The following THADA variants were observed in gnomAD, a reference collection of about 807,000 sequenced individuals.
THADA encodes THADA armadillo repeat containing.
THADA carries 213 observed loss-of-function variants against 219.8 expected under a neutral mutation model. The observed-to-expected ratio is 0.97, with a 90% CI of 0.87 to 1.09. THADA has a LOEUF of 1.09. Among genes scored for constraint, THADA ranks in the 50% least tolerant of loss-of-function variants. The pLI is 0.00. For missense variants in THADA, 2,956 were observed against 2,311.3 expected, an observed-to-expected ratio of 1.28 and a Z score of -5.72; for synonymous variants, 1,018 against 828.9, an observed-to-expected ratio of 1.23 and a Z score of -3.92.
At chr2:43,502,796 A>C (rs1014634702) in intron 24 of THADA, among the ~76,000 whole-genome samples, 1 of 151,972 alleles carries the variant, frequency 6.6e-6, no homozygotes, top group Admixed American at 6.5e-5. Flanking sequence ...GGGAGAATAT[A>C]TATGTAATTC....
chr2:43,293,407 T>A lies in THADA; in HGVS notation c.4439-194A>T, dbSNP rs146284743. Among the ~76,000 whole-genome samples the A allele has an allele frequency of 4.9e-4, 75 of 152,244 alleles. 1 individual carries two copies. The East Asian group carries it at 0.013, about 26-fold the overall frequency. On this transcript the variant is annotated intron_variant, in intron 31 of 37. Coordinates refer to ENST00000405975, the MANE Select transcript of THADA (RefSeq NM_022065.5). ...TCCACAACAATTTCCATTTAGGTAA[T>A]GTATAATTTTTCCAACAGGGGCACA... is the stretch of plus-strand genomic sequence containing the variant.
chr2:43,393,698 A>G (rs936025203), intron 29 of THADA, among the ~76,000 whole-genome samples: 1 of 145,692 alleles, frequency 6.9e-6, no homozygotes. Context: ...ACAGAGCGAG[A>G]CTCCGTCTTA....
At chr2:43,551,655 C>A (rs1277826332) in intron 19 of THADA, 134 bp downstream of exon 19, 2 of 705,824 alleles carry the variant, frequency 2.8e-6, no homozygotes, top group African/African-American at 1.9e-5. Context: ...AGAAATACCA[C>A]AAATAATAAT....
At chr2:43,510,013 A>G (rs1690196942) in intron 22 of THADA, among the ~76,000 whole-genome samples, 1 of 152,216 alleles carries the variant, frequency 6.6e-6, no homozygotes, top group African/African-American at 2.4e-5. Flanking sequence ...AACCAAATGT[A>G]GTGTGTGAAC....
In THADA at chr2:43,570,371, A is replaced by G. The variant is rs756535047; in HGVS notation, c.2187+17T>C. 3.8e-6 allele frequency: 6 copies of G among 1,578,624 alleles called. No homozygotes were observed. In the South Asian group the frequency reaches 5.9e-5, roughly 16 times the overall value. On this transcript the variant is annotated intron_variant, in intron 14 of 37. Coordinates refer to ENST00000405975, the MANE Select transcript of THADA (RefSeq NM_022065.5). ...AATTTAAAAAAAAACTCTCATGTTT[A>G]GAAATATATCACCTACCTTATACTG...
intron 21 of THADA, among the ~76,000 whole-genome samples, chr2:43,534,843 C>T (rs564603761): frequency 4.3e-4 from 65 of 152,072 alleles, no homozygotes; most frequent in Non-Finnish European, 8.7e-4. Flanking sequence ...TGATTTCCTT[C>T]TCCTTGGATA....
chr2:43,242,503 T>G (rs1215158950), intron 36 of THADA, among the ~76,000 whole-genome samples: 1 of 152,184 alleles, frequency 6.6e-6, no homozygotes, highest in Non-Finnish European at 1.5e-5. Context: ...TCTTTTTTTT[T>G]TCTGTGCAGA....
rs150981671 is a variant in THADA, at chr2:43,446,256, C to T, written c.3837-15954G>A. Reference sequence around the variant, plus strand: ...ATAGACTTTTTCCAAAGATGGTCAACAAACTTCTATCGTTCCTTATATGTA... The same window carrying T: ...ATAGACTTTTTCCAAAGATGGTCAATAAACTTCTATCGTTCCTTATATGTA... On this transcript the variant is annotated intron_variant, in intron 26 of 37. Coordinates refer to ENST00000405975, the MANE Select transcript of THADA (RefSeq NM_022065.5). Among the ~76,000 whole-genome samples, 20 of 152,346 alleles carry T rather than the reference C, an allele frequency of 1.3e-4. No individual in the cohort carries two copies. The East Asian group carries it at 3.7e-3, about 28-fold the overall frequency.
chr2:43,485,143 A>G (rs1045770535), intron 26 of THADA, 91 bp downstream of exon 26: 13 of 924,740 alleles, frequency 1.4e-5, no homozygotes, highest in Admixed American at 1.2e-4. Context: ...AGATGAATCT[A>G]TAACAGTAGG....
intron 36 of THADA, among the ~76,000 whole-genome samples, chr2:43,237,380 A>C (rs192098847): frequency 8.2e-4 from 120 of 147,106 alleles, no homozygotes; most frequent in African/African-American, 2.8e-3. Flanking sequence ...AAGAGCAAAA[A>C]CTAGAAAACT....
Position 43,392,852 on chromosome 2 carries a change from G to A in THADA, c.4227+5119C>T, listed in dbSNP as rs1367832024. ...CAGCTCTCTTTAAGTTTGCATCAAA[G>A]GCAAACTCCTTGTGTTTTCACCAGT... On this transcript the variant is annotated intron_variant, in intron 29 of 37. Coordinates refer to ENST00000405975, the MANE Select transcript of THADA (RefSeq NM_022065.5). Among the ~76,000 whole-genome samples, 3 of 152,164 alleles carry A rather than the reference G, an allele frequency of 2.0e-5. No individual in the cohort carries two copies. The East Asian group carries it at 5.8e-4, about 29-fold the overall frequency.
chr2:43,539,194 C>T (rs1014668367), intron 21 of THADA, among the ~76,000 whole-genome samples: 4 of 152,222 alleles, frequency 2.6e-5, no homozygotes, highest in South Asian at 2.1e-4. Flanking sequence ...ACGGCAGTCA[C>T]ATTCACCTAA....
At chr2:43,407,748 G>C (rs1675749542) in intron 28 of THADA, among the ~76,000 whole-genome samples, 1 of 151,958 alleles carries the variant, frequency 6.6e-6, no homozygotes, top group African/African-American at 2.4e-5. Context: ...CTAGATGCCA[G>C]GTACTTTAAA....
Position 43,551,934 on chromosome 2 carries a change from A to G in THADA, c.2811-9T>C, listed in dbSNP as rs1431350865. 1.3e-6 allele frequency: 2 copies of G among 1,598,582 alleles called. No individual in the cohort carries two copies. The highest frequency in any genetic ancestry group is 1.7e-4 in the Middle Eastern group (1 of 5,982). On this transcript the variant is annotated splice_polypyrimidine_tract_variant and intron_variant, in intron 18 of 37. Transcript: ENST00000405975. ...TCACCAACTGCAGGCTGCTGCAACA[A>G]GGACATTAGGGAAATTTATACTAAA...
At chr2:43,467,623 T>C (rs1037879301) in intron 26 of THADA, among the ~76,000 whole-genome samples, 1 of 152,222 alleles carries the variant, frequency 6.6e-6, no homozygotes, top group African/African-American at 2.4e-5. Flanking sequence ...CAGAGACTTC[T>C]CCTGAAAGTT....
intron 20 of THADA, among the ~76,000 whole-genome samples, chr2:43,544,735 G>C (rs1245911702): frequency 2.0e-5 from 3 of 151,634 alleles, no homozygotes; most frequent in Non-Finnish European, 4.4e-5. Context: ...TGTATCCTGA[G>C]ACTTTGCTGA....
At chr2:43,264,477 G>T (rs1671301467) in intron 36 of THADA, among the ~76,000 whole-genome samples, 1 of 151,952 alleles carries the variant, frequency 6.6e-6, no homozygotes, top group African/African-American at 2.4e-5. Flanking sequence ...TAGAGACGGG[G>T]TTTCTCCATG....
At chr2:43,573,072 A>T in intron 11 of THADA, 80 bp from the exon 12 acceptor site, 1 of 1,146,290 alleles carries the variant, frequency 8.7e-7, no homozygotes, top group Non-Finnish European at 1.2e-6. Context: ...TCATGTTTCC[A>T]ATTAACATTT....
chr2:43,555,668 C>CCCA (rs1697262976), intron 17 of THADA, among the ~76,000 whole-genome samples: 1 of 152,116 alleles, frequency 6.6e-6, no homozygotes, highest in South Asian at 2.1e-4. Context: ...ACCAGAACTA[C>CCCA]CCATGGCCTC....
Sources: gnomAD v4.1 joint callset for allele counts (sites outside exome capture counted in the v4.1 genomes callset) on GRCh38, gnomAD v4.1.1 for gene constraint, MANE v1.5 for transcripts, NCBI Gene and HGNC (gene_info 2026-07-23, HGNC 2026-07-21) for gene names.